Variants in TRIM55 observed in about 807,000 individuals in gnomAD.
The protein encoded by TRIM55 is tripartite motif-containing protein 55.
TRIM55 carries 50 observed loss-of-function variants against 60.9 expected under a neutral mutation model. That is an observed-to-expected ratio of 0.82 (90% CI 0.65 to 1.04). TRIM55 has a LOEUF of 1.04. Among genes scored for constraint, TRIM55 ranks in the 50% least tolerant of loss-of-function variants. The pLI, the probability that TRIM55 is intolerant of heterozygous loss-of-function variation, is 0.00. For synonymous variants in TRIM55, 237 were observed against 238.1 expected (o/e 1.00, Z 0.04); for missense variants, 681 against 666.9 (o/e 1.02, Z -0.23).
intron 9 of TRIM55, among the ~76,000 whole-genome samples, chr8:66,172,821 G>T (rs181440215): frequency 1.3e-5 from 2 of 152,338 alleles, no homozygotes; most frequent in Admixed American, 6.5e-5. Flanking sequence ...GGACCTTGAT[G>T]GTCTGTTCAT....
intron 9 of TRIM55, among the ~76,000 whole-genome samples, chr8:66,173,707 C>T (rs1196376582): frequency 1.3e-5 from 2 of 152,192 alleles, no homozygotes; most frequent in Non-Finnish European, 2.9e-5. Flanking sequence ...AAGACTTCTT[C>T]CTGATTGTCC....
intron 2 of TRIM55, among the ~76,000 whole-genome samples, chr8:66,131,080 A>C (rs561050813): frequency 7.2e-5 from 11 of 152,244 alleles, no homozygotes; most frequent in Admixed American, 6.5e-4. Context: ...AATAATAATT[A>C]ACTTTAAAAT....
chr8:66,153,980 A>T, intron 8 of TRIM55, 67 bp from the exon 9 acceptor site: 1 of 1,491,178 alleles, frequency 6.7e-7, no homozygotes, highest in Non-Finnish European at 9.0e-7. Flanking sequence ...AACTAAAATC[A>T]ACTGCTTTTT....
chr8:66,120,459 G>A, the TRIM55 span, among the ~76,000 whole-genome samples: 1 of 152,194 alleles, frequency 6.6e-6, no homozygotes, highest in Non-Finnish European at 1.5e-5. Flanking sequence ...ACCATGAGAT[G>A]AGAATCTTGG....
At chr8:66,116,729 C>A in the TRIM55 span, among the ~76,000 whole-genome samples, 1 of 74,002 alleles carries the variant, frequency 1.4e-5, no homozygotes, top group East Asian at 4.0e-4. Context: ...TTCTACCAAA[C>A]AATTAAGGTA....
chr8:66,128,698 G>T (rs1034260996), intron 2 of TRIM55, among the ~76,000 whole-genome samples: 1 of 152,112 alleles, frequency 6.6e-6, no homozygotes, highest in Non-Finnish European at 1.5e-5. Flanking sequence ...AGAATGAAGT[G>T]ACTCATTAAC....
At chr8:66,138,952 C>G (rs189153951) in intron 4 of TRIM55, among the ~76,000 whole-genome samples, 19 of 152,264 alleles carry the variant, frequency 1.2e-4, no homozygotes, top group Admixed American at 7.8e-4. Flanking sequence ...AGGACATTAG[C>G]TATACTTATC....
chr8:66,147,346 G>A (rs1027429071), intron 4 of TRIM55, among the ~76,000 whole-genome samples: 2 of 152,212 alleles, frequency 1.3e-5, no homozygotes, highest in East Asian at 3.8e-4. Flanking sequence ...GAACTGTGAT[G>A]AGAATTGACT....
At chr8:66,133,774 G>T (rs1262386329) in intron 2 of TRIM55, among the ~76,000 whole-genome samples, 1 of 152,186 alleles carries the variant, frequency 6.6e-6, no homozygotes, top group Non-Finnish European at 1.5e-5. Context: ...GCCTTTCTCT[G>T]AGTTCTGGGT....
intron 9 of TRIM55, among the ~76,000 whole-genome samples, chr8:66,168,746 G>T (rs1268339408): frequency 1.3e-5 from 2 of 152,212 alleles, no homozygotes; most frequent in East Asian, 3.8e-4. Context: ...TGAGGAAATG[G>T]CAGCCCAGCT....
chr8:66,121,374 A>ATGTG, the TRIM55 span, among the ~76,000 whole-genome samples: 5 of 152,324 alleles, frequency 3.3e-5, no homozygotes, highest in South Asian at 1.0e-3. Flanking sequence ...TTCTGTCCTG[A>ATGTG]TGTGTGTGGT....
At position 66,137,147 on chromosome 8, in the gene TRIM55, A is replaced by G; in HGVS notation, c.560A>G (p.Gln187Arg). 7 of 1,614,220 alleles carry G rather than the reference A, an allele frequency of 4.3e-6. No individual in the cohort carries two copies. The highest frequency in any genetic ancestry group is 5.1e-6 in the Non-Finnish European group (6 of 1,180,038). ...CTCGTGGGCAGCAACGATCGAGTCC[A>G]GGGAGTGATCAGCCAGCTGGAAGAC... ...AILVGSNDRV[Q>R]GVISQLEDTC... The change falls in exon 4 of 10, where the codon CAG becomes CGG. Residue 187 changes from glutamine to arginine, a missense_variant. Gln to Arg is a conservative substitution (Grantham distance 43). Coordinates refer to ENST00000315962, the MANE Select transcript of TRIM55 (RefSeq NM_184085.2).
At chr8:66,171,477 C>T (rs1811629221) in intron 9 of TRIM55, among the ~76,000 whole-genome samples, 1 of 152,088 alleles carries the variant, frequency 6.6e-6, no homozygotes, top group Non-Finnish European at 1.5e-5. Context: ...TAGAAGGTAT[C>T]CCTGTCATTA....
intron 5 of TRIM55, 55 bp downstream of exon 5, chr8:66,149,933 T>C (rs1810316111): frequency 1.5e-6 from 2 of 1,343,750 alleles, no homozygotes; most frequent in Admixed American, 3.8e-5. Context: ...GTTGGAAAAT[T>C]AGTTATCACA....
intron 4 of TRIM55, among the ~76,000 whole-genome samples, chr8:66,144,995 T>G (rs1810025635): frequency 1.3e-5 from 2 of 152,160 alleles, no homozygotes; most frequent in Non-Finnish European, 2.9e-5. Flanking sequence ...AAATTCAGAG[T>G]CATCACTGTC....
At position 66,149,701 on chromosome 8, in the gene TRIM55, C is replaced by T; in HGVS notation, c.660C>T (p.Gly220=). ...GTGAGAAGTTTGATTACCTGTATGGCATTTTGGAGGAGAGGAAGAATGAAA... is the reference window on the plus strand; with the variant it reads ...GTGAGAAGTTTGATTACCTGTATGGTATTTTGGAGGAGAGGAAGAATGAAA... ...ELCEKFDYLY[G]ILEERKNEMT... Residue 220 remains glycine, a synonymous_variant, in exon 5 of 10, where the codon GGC becomes GGT. Coordinates refer to ENST00000315962, the MANE Select transcript of TRIM55 (RefSeq NM_184085.2). 13 of 1,614,132 alleles carry T rather than the reference C, an allele frequency of 8.1e-6. No individual in the cohort carries two copies. Among genetic ancestry groups the T allele is most frequent in the Non-Finnish European group, 1.1e-5 (13 of 1,180,006 alleles).
chr8:66,141,042 C>T (rs1459836627), intron 4 of TRIM55, among the ~76,000 whole-genome samples: 1 of 152,190 alleles, frequency 6.6e-6, no homozygotes, highest in Non-Finnish European at 1.5e-5. Context: ...TTTCCTTGCA[C>T]ATGTCTAATT....
chr8:66,153,741 A>G lies in TRIM55; in HGVS notation c.1237-306A>G, dbSNP rs139619171. On this transcript the variant is annotated intron_variant, in intron 8 of 9. Coordinates refer to ENST00000315962, the MANE Select transcript of TRIM55 (RefSeq NM_184085.2). ...TAGTCAATAGTTTGACCCTTTTCCCATATCTGATATTTTATAACCAACATT... is the reference window on the plus strand; with the variant it reads ...TAGTCAATAGTTTGACCCTTTTCCCGTATCTGATATTTTATAACCAACATT... Among the ~76,000 whole-genome samples, 299 of 152,260 alleles carry G rather than the reference A, an allele frequency of 2.0e-3. 2 individuals are homozygous for G. The highest frequency in any genetic ancestry group is 6.8e-3 in the African/African-American group (283 of 41,558).
chr8:66,128,229 AG>A, intron 1 of TRIM55, 74 bp from the exon 2 acceptor site: 1 of 1,346,922 alleles, frequency 7.4e-7, no homozygotes, highest in Non-Finnish European at 1.0e-6. Flanking sequence ...TTGTAGTAGC[AG>A]AGAGTGAAAA....
Sources: gnomAD v4.1 joint callset for allele counts (sites outside exome capture counted in the v4.1 genomes callset) on GRCh38, gnomAD v4.1.1 for gene constraint, MANE v1.5 for transcripts, NCBI Gene and HGNC (gene_info 2026-07-23, HGNC 2026-07-21) for gene names.